BBS9: variants seen among roughly 807,000 people sequenced by gnomAD.
BBS9 encodes Bardet-Biedl syndrome 9, also known as protein PTHB1.
In BBS9, 89 loss-of-function variants were observed where a neutral mutation model predicts 117.7. That is an observed-to-expected ratio of 0.76 (90% CI 0.64 to 0.90). BBS9 has a LOEUF of 0.90. Ranked by LOEUF, BBS9 falls within the 40% of genes least tolerant of loss-of-function variation. The probability of loss-of-function intolerance (pLI) is 0.00; values close to 1 mark genes in which losing one functional copy is unlikely to be tolerated. For synonymous variants in BBS9, 379 were observed against 370.9 expected (o/e 1.02, Z -0.25); for missense variants, 982 against 1,042.2 (o/e 0.94, Z 0.80).
chr7:33,633,327 A>G lies in BBS9; in HGVS notation c.2522-1850A>G, dbSNP rs73690962. ...AAGACTTAAAAAAAAAAAACTTTAAAAAGCACTTGATTGTATTTTCTTCTG... is the reference window on the plus strand; with the variant it reads ...AAGACTTAAAAAAAAAAAACTTTAAGAAGCACTTGATTGTATTTTCTTCTG... On this transcript the variant is annotated intron_variant, in intron 21 of 21. Coordinates refer to the BBS9 transcript ENST00000671952. 7.4e-4 allele frequency among the ~76,000 whole-genome samples: 113 copies of G among 152,202 alleles called. 1 individual carries two copies. Among genetic ancestry groups the G allele is most frequent in the Middle Eastern group, 3.4e-3 (1 of 294 alleles).
chr7:33,228,386 G>C (rs1791698556), intron 5 of BBS9, among the ~76,000 whole-genome samples: 1 of 151,996 alleles, frequency 6.6e-6, no homozygotes. Context: ...ATCCTTAACA[G>C]CTAGATTATA....
chr7:33,466,421 ATT>A (rs1563213575), intron 19 of BBS9, among the ~76,000 whole-genome samples: 1 of 151,782 alleles, frequency 6.6e-6, no homozygotes, highest in Non-Finnish European at 1.5e-5. Context: ...CGCCCGGTTT[ATT>A]TCACTTAACA....
intron 17 of BBS9, among the ~76,000 whole-genome samples, chr7:33,374,271 G>C (rs1246207891): frequency 6.6e-6 from 1 of 152,128 alleles, no homozygotes; most frequent in East Asian, 1.9e-4. Flanking sequence ...TAAAGCATGA[G>C]GTTTCAAAGG....
At chr7:33,449,181 G>C (rs73689625) in intron 19 of BBS9, among the ~76,000 whole-genome samples, 1 of 152,056 alleles carries the variant, frequency 6.6e-6, no homozygotes, top group Non-Finnish European at 1.5e-5. Flanking sequence ...TGTGGAATTC[G>C]TTTTTTTGCT....
chr7:33,554,258 A>G (rs893889100), intron 21 of BBS9, among the ~76,000 whole-genome samples: 12 of 152,286 alleles, frequency 7.9e-5, no homozygotes, highest in African/African-American at 2.9e-4. Context: ...TATTACAGAC[A>G]TTACATAATT....
chr7:33,184,097 C>CAG (rs35333434), intron 5 of BBS9, among the ~76,000 whole-genome samples: 22,790 of 149,442 alleles, frequency 0.15, 1,846 homozygotes, highest in South Asian at 0.19. Flanking sequence ...AGTTTGCACA[C>CAG]AGAGAGAGAG....
intron 4 of BBS9, among the ~76,000 whole-genome samples, chr7:33,170,012 C>A (rs1009455547): frequency 1.3e-5 from 2 of 152,130 alleles, no homozygotes; most frequent in African/African-American, 4.8e-5. Flanking sequence ...CAGCCGAATT[C>A]TACCAGAGGT....
At chr7:33,559,211 A>C (rs1472083548) in intron 21 of BBS9, among the ~76,000 whole-genome samples, 1 of 152,218 alleles carries the variant, frequency 6.6e-6, no homozygotes, top group Non-Finnish European at 1.5e-5. Context: ...TGCCCGTAGA[A>C]GACTAGGAAT....
At chr7:33,481,366 T>C (rs947095611) in intron 19 of BBS9, among the ~76,000 whole-genome samples, 2 of 152,212 alleles carry the variant, frequency 1.3e-5, no homozygotes, top group African/African-American at 4.8e-5. Flanking sequence ...ATTAAATTAC[T>C]CCATAGCATA....
At chr7:33,286,608 A>G (rs1008462839) in intron 9 of BBS9, among the ~76,000 whole-genome samples, 8 of 152,074 alleles carry the variant, frequency 5.3e-5, no homozygotes, top group Non-Finnish European at 1.2e-4. Flanking sequence ...AAATAGCTCT[A>G]TTTCCCAGAG....
intron 21 of BBS9, among the ~76,000 whole-genome samples, chr7:33,556,768 G>A (rs937602208): frequency 4.6e-5 from 7 of 152,056 alleles, no homozygotes; most frequent in Admixed American, 4.6e-4. Flanking sequence ...CTGCTCTAAG[G>A]TCTAACATAA....
At chr7:33,168,967 C>G (rs927752567) in intron 4 of BBS9, among the ~76,000 whole-genome samples, 2 of 151,972 alleles carry the variant, frequency 1.3e-5, no homozygotes, top group Admixed American at 6.6e-5. Flanking sequence ...CCGCTCCCCC[C>G]ACCCCACCAC....
intron 20 of BBS9, among the ~76,000 whole-genome samples, chr7:33,522,075 T>C (rs897374094): frequency 8.1e-4 from 123 of 151,904 alleles, no homozygotes; most frequent in Admixed American, 1.4e-3. Context: ...AGGACATGAA[T>C]TCATCATTTT....
chr7:33,275,386 C>T (rs995111873), intron 9 of BBS9, among the ~76,000 whole-genome samples: 4 of 152,180 alleles, frequency 2.6e-5, no homozygotes, highest in Non-Finnish European at 2.9e-5. Flanking sequence ...ACTCACCAGA[C>T]ATTTTGTATC....
At chr7:33,304,272 G>C (rs556351046) in intron 9 of BBS9, among the ~76,000 whole-genome samples, 1 of 127,924 alleles carries the variant, frequency 7.8e-6, no homozygotes, top group Non-Finnish European at 1.6e-5. Context: ...ATGCCCGGCC[G>C]CCCCTTCTGG....
chr7:33,182,931 T>C (rs2128174855), intron 5 of BBS9, among the ~76,000 whole-genome samples: 1 of 152,258 alleles, frequency 6.6e-6, no homozygotes, highest in Admixed American at 6.5e-5. Flanking sequence ...CCATTTCCCA[T>C]GGGAGTCTTA....
intron 21 of BBS9, among the ~76,000 whole-genome samples, chr7:33,585,404 C>G (rs1860720312): frequency 6.6e-6 from 1 of 152,034 alleles, no homozygotes; most frequent in African/African-American, 2.4e-5. Context: ...TTCTATGTGT[C>G]TTTCCTTTCT....
intron 20 of BBS9, among the ~76,000 whole-genome samples, chr7:33,511,728 A>G (rs10238097): frequency 0.02 from 3,063 of 152,320 alleles, 81 homozygotes; most frequent in African/African-American, 0.056. Flanking sequence ...GGAAAGAGAA[A>G]CTTATTTATA....
intron 5 of BBS9, among the ~76,000 whole-genome samples, chr7:33,182,327 G>A (rs937277663): frequency 6.6e-6 from 1 of 152,114 alleles, no homozygotes; most frequent in African/African-American, 2.4e-5. Flanking sequence ...TTTTAATTAT[G>A]TACTAGGTGT....
Sources: gnomAD v4.1 joint callset for allele counts (sites outside exome capture counted in the v4.1 genomes callset) on GRCh38, gnomAD v4.1.1 for gene constraint, MANE v1.5 for transcripts, NCBI Gene and HGNC (gene_info 2026-07-23, HGNC 2026-07-21) for gene names.